RBFOX1: variants seen among roughly 807,000 people sequenced by gnomAD.
RBFOX1 encodes RNA binding protein fox-1 homolog 1.
Under a neutral mutation model 57.7 loss-of-function variants are expected in RBFOX1, and 8 were observed. That is an observed-to-expected ratio of 0.14 (90% confidence interval 0.08 to 0.25). RBFOX1 has a LOEUF of 0.25. RBFOX1 is among the 10% of genes least tolerant of loss of function. The pLI is 1.00. For synonymous variants in RBFOX1, 326 were observed against 222.4 expected, an observed-to-expected ratio of 1.47 and a Z score of -4.15; for missense variants, 611 against 548.5, an observed-to-expected ratio of 1.11 and a Z score of -1.14.
intron 7 of RBFOX1, among the ~76,000 whole-genome samples, chr16:7,591,557 C>T (rs1278302305): frequency 1.3e-5 from 2 of 152,144 alleles, no homozygotes; most frequent in Non-Finnish European, 2.9e-5. Flanking sequence ...GTCTGGCAAT[C>T]CTCTTAAGGT....
At chr16:7,296,652 A>T (rs2095897726) in intron 4 of RBFOX1, among the ~76,000 whole-genome samples, 1 of 152,214 alleles carries the variant, frequency 6.6e-6, no homozygotes, top group African/African-American at 2.4e-5. Flanking sequence ...CATGATGGGC[A>T]TATGGCTGCT....
At chr16:7,301,351 C>G (rs2096026963) in intron 4 of RBFOX1, among the ~76,000 whole-genome samples, 1 of 152,158 alleles carries the variant, frequency 6.6e-6, no homozygotes, top group African/African-American at 2.4e-5. Context: ...TTTAGTTATC[C>G]AGAGAGCAGA....
chr16:7,363,699 G>A (rs11865220), intron 4 of RBFOX1, among the ~76,000 whole-genome samples: 16,960 of 152,076 alleles, frequency 0.11, 1,286 homozygotes, highest in African/African-American at 0.22. Flanking sequence ...TTTTGTTGGA[G>A]GACAAAACCT....
chr16:5,536,710 A>G (rs1254732928), intron 2 of RBFOX1, among the ~76,000 whole-genome samples: 2 of 152,130 alleles, frequency 1.3e-5, no homozygotes, highest in African/African-American at 2.4e-5. Context: ...GGGAAATGGA[A>G]CAAGGAAGAG....
chr16:7,300,761 T>G (rs1318080025), intron 4 of RBFOX1, among the ~76,000 whole-genome samples: 1 of 152,260 alleles, frequency 6.6e-6, no homozygotes, highest in East Asian at 1.9e-4. Context: ...AATATTATTT[T>G]ATGAGTCAAA....
At chr16:5,389,521 C>G (rs1253793077) in intron 1 of RBFOX1, among the ~76,000 whole-genome samples, 1 of 152,122 alleles carries the variant, frequency 6.6e-6, no homozygotes, top group East Asian at 1.9e-4. Context: ...GTCACTCCAG[C>G]TGAAAATTGA....
At chr16:7,160,138 T>G (rs562153708) in intron 4 of RBFOX1, among the ~76,000 whole-genome samples, 2 of 152,254 alleles carry the variant, frequency 1.3e-5, no homozygotes, top group South Asian at 4.1e-4. Flanking sequence ...TAATTTTCAA[T>G]TGTTTCAAAG....
At chr16:7,697,137 C>T (rs1004086993) in intron 14 of RBFOX1, among the ~76,000 whole-genome samples, 10 of 152,120 alleles carry the variant, frequency 6.6e-5, no homozygotes, top group Admixed American at 2.6e-4. Context: ...TGCCAAAGAA[C>T]AGAAGAAACA....
chr16:6,561,882 G>A (rs1861218), intron 2 of RBFOX1, among the ~76,000 whole-genome samples: 150,191 of 152,278 alleles, frequency 0.99, 74,088 homozygotes, highest in Middle Eastern at 1. Flanking sequence ...ATTTAATGAC[G>A]GTATTGGCAG....
chr16:6,611,282 G>C (rs563357532), intron 2 of RBFOX1, among the ~76,000 whole-genome samples: 91 of 152,282 alleles, frequency 6.0e-4, no homozygotes, highest in African/African-American at 2.0e-3. Flanking sequence ...AAATAGCTGA[G>C]AATACAGGCG....
At chr16:7,153,739 A>AAAAAT (rs1555514628) in intron 4 of RBFOX1, among the ~76,000 whole-genome samples, 1 of 151,154 alleles carries the variant, frequency 6.6e-6, no homozygotes, top group Middle Eastern at 3.4e-3. Context: ...AAAAAAAAAA[A>AAAAAT]AATAAGGAAA....
At chr16:5,908,119 T>TACACACAC (rs1189265230) in intron 4 of RBFOX1, among the ~76,000 whole-genome samples, 7 of 137,592 alleles carry the variant, frequency 5.1e-5, no homozygotes, top group African/African-American at 2.3e-4. Flanking sequence ...TACACATATA[T>TACACACAC]ACACATATAT....
chr16:7,029,674 A>T (rs559155466), intron 3 of RBFOX1, among the ~76,000 whole-genome samples: 39 of 152,286 alleles, frequency 2.6e-4, no homozygotes, highest in Middle Eastern at 6.8e-3. Flanking sequence ...TCTAATTTTC[A>T]AAACAGATGA....
chr16:6,086,191 T>C (rs549162601), intron 1 of RBFOX1, among the ~76,000 whole-genome samples: 7 of 152,332 alleles, frequency 4.6e-5, no homozygotes, highest in Admixed American at 4.6e-4. Context: ...CCATGGTGTA[T>C]AGGTACCACT....
At chr16:7,503,709 T>A (rs141833412) in intron 4 of RBFOX1, among the ~76,000 whole-genome samples, 121 of 152,326 alleles carry the variant, frequency 7.9e-4, no homozygotes, top group African/African-American at 2.6e-3. Context: ...AGGTGGAGAA[T>A]CCCTATTGAA....
intron 2 of RBFOX1, among the ~76,000 whole-genome samples, chr16:6,345,787 T>C (rs2085282444): frequency 6.6e-6 from 1 of 152,228 alleles, no homozygotes; most frequent in Non-Finnish European, 1.5e-5. Flanking sequence ...TGAGGATGTG[T>C]GCCTGTGACA....
At chr16:5,249,196 G>A (rs1567233558) in intron 1 of RBFOX1, among the ~76,000 whole-genome samples, 3 of 152,184 alleles carry the variant, frequency 2.0e-5, no homozygotes, top group East Asian at 1.9e-4. Flanking sequence ...TGTTCAGGCT[G>A]TTGTAGAAAC....
chr16:6,861,357 C>T lies in RBFOX1; in HGVS notation c.-15-190700C>T, dbSNP rs530223337. ...TTAAGGGCAGATGAGTAAAGAGATG[C>T]AGTACCCTCAATCTACAAGACAAAA... is the stretch of plus-strand genomic sequence containing the variant. On this transcript the variant is annotated intron_variant, in intron 3 of 15. Transcript: ENST00000550418. Among the ~76,000 whole-genome samples the T allele has an allele frequency of 4.6e-5, 7 of 152,200 alleles. No individual in the cohort carries two copies. In the East Asian group the frequency reaches 1.4e-3, roughly 30 times the overall value.
intron 3 of RBFOX1, among the ~76,000 whole-genome samples, chr16:5,656,749 A>G (rs971684697): frequency 2.6e-5 from 4 of 152,194 alleles, no homozygotes; most frequent in Non-Finnish European, 5.9e-5. Context: ...TTATGGCTGC[A>G]TAGTATTCCA....
Sources: gnomAD v4.1 joint callset for allele counts (sites outside exome capture counted in the v4.1 genomes callset) on GRCh38, gnomAD v4.1.1 for gene constraint, MANE v1.5 for transcripts, NCBI Gene and HGNC (gene_info 2026-07-23, HGNC 2026-07-21) for gene names.